EXT1: variants seen among roughly 807,000 people sequenced by gnomAD.
EXT1 encodes exostosin-1.
A neutral mutation model predicts 82.5 loss-of-function variants in EXT1; 20 were observed. The ratio of observed to expected loss-of-function variants is 0.24; its 90% CI spans 0.17 to 0.35. The LOEUF is 0.35. Ranked by LOEUF, EXT1 falls within the 10% of genes least tolerant of loss-of-function variation. The pLI, the probability that EXT1 is intolerant of heterozygous loss-of-function variation, is 1.00. For synonymous variants in EXT1, 348 were observed against 350.8 expected (o/e 0.99, Z 0.09); for missense variants, 757 against 936.5 (o/e 0.81, Z 2.50).
chr8:117,911,928 C>G (rs1361308493), intron 1 of EXT1, among the ~76,000 whole-genome samples: 2 of 152,148 alleles, frequency 1.3e-5, no homozygotes, highest in Admixed American at 6.5e-5. Flanking sequence ...TATGAATCTT[C>G]TTTCTCACGG....
At chr8:118,034,332 T>C (rs1301674624) in intron 1 of EXT1, among the ~76,000 whole-genome samples, 1 of 152,196 alleles carries the variant, frequency 6.6e-6, no homozygotes, top group African/African-American at 2.4e-5. Flanking sequence ...CATGTTTCCT[T>C]GGTTACCAAA....
intron 1 of EXT1, among the ~76,000 whole-genome samples, chr8:117,963,231 T>C (rs902040534): frequency 2.6e-5 from 4 of 152,176 alleles, no homozygotes; most frequent in Admixed American, 6.5e-5. Flanking sequence ...GTACATGATG[T>C]CTGCAGGCAG....
intron 8 of EXT1, among the ~76,000 whole-genome samples, chr8:117,811,666 G>A (rs890917648): frequency 6.6e-6 from 1 of 151,446 alleles, no homozygotes; most frequent in Non-Finnish European, 1.5e-5. Flanking sequence ...ACCCAGGCTG[G>A]AGTGCAATGG....
chr8:117,819,891 G>C (rs1405621980), intron 5 of EXT1, 97 bp from the exon 6 acceptor site: 6 of 1,117,798 alleles, frequency 5.4e-6, no homozygotes, highest in African/African-American at 1.5e-5. Flanking sequence ...TGGAGCAAAT[G>C]TTCCCTCCTG....
chr8:118,104,099 G>A (rs1817768938), intron 1 of EXT1, among the ~76,000 whole-genome samples: 1 of 152,212 alleles, frequency 6.6e-6, no homozygotes, highest in Non-Finnish European at 1.5e-5. Flanking sequence ...GTGACACTGA[G>A]CTTGTTACTT....
chr8:117,833,601 C>T (rs1034931208), intron 3 of EXT1, among the ~76,000 whole-genome samples: 7 of 150,184 alleles, frequency 4.7e-5, no homozygotes, highest in Non-Finnish European at 7.4e-5. Flanking sequence ...AGTGACAGAG[C>T]GAGACTCCAT....
At chr8:118,095,119 C>T (rs1293317581) in intron 1 of EXT1, among the ~76,000 whole-genome samples, 2 of 152,150 alleles carry the variant, frequency 1.3e-5, no homozygotes, top group African/African-American at 4.8e-5. Context: ...TCAAACCTCA[C>T]CAACACTCCC....
rs11318164 is a variant in EXT1 at position 118,090,778 on chromosome 8, CAAAAAAAAAAAAAAA to C, written c.962+19292_962+19306del. Among the ~76,000 whole-genome samples, 15 of 27,202 alleles carry C rather than the reference CAAAAAAAAAAAAAAA, an allele frequency of 5.5e-4. No homozygotes were observed. The South Asian group carries it at 0.041, about 75-fold the overall frequency. 17.8% of individuals were successfully genotyped at this position (27,202 alleles called of 152,430 possible). On this transcript the variant is annotated intron_variant, in intron 1 of 10. Coordinates refer to ENST00000378204, the MANE Select transcript of EXT1 (RefSeq NM_000127.3). ...TGGGTGAGACAGTGAGATTCTGTCTCAAAAAAAAAAAAAAAAAAAAAAAAAAAAAAAGCATGTGCC... is the reference window on the plus strand; with the variant it reads ...TGGGTGAGACAGTGAGATTCTGTCTCAAAAAAAAAAAAAAAAGCATGTGCC...
chr8:117,853,273 G>A (rs1812486169), intron 1 of EXT1, among the ~76,000 whole-genome samples: 1 of 152,182 alleles, frequency 6.6e-6, no homozygotes, highest in African/African-American at 2.4e-5. Flanking sequence ...GGCCGGGCAT[G>A]GTGTCTCACG....
At chr8:117,807,872 A>G (rs1055387122) in intron 8 of EXT1, among the ~76,000 whole-genome samples, 3 of 152,314 alleles carry the variant, frequency 2.0e-5, no homozygotes, top group Middle Eastern at 6.8e-3. Flanking sequence ...ACTTTAAAAA[A>G]AAAACACCAC....
At chr8:118,108,493 C>G (rs184728612) in intron 1 of EXT1, among the ~76,000 whole-genome samples, 2 of 152,208 alleles carry the variant, frequency 1.3e-5, no homozygotes, top group Non-Finnish European at 2.9e-5. Flanking sequence ...CAGTTCATTA[C>G]TAACCATAGT....
At chr8:118,001,012 T>C (rs1242248084) in intron 1 of EXT1, among the ~76,000 whole-genome samples, 1 of 152,196 alleles carries the variant, frequency 6.6e-6, no homozygotes, top group Non-Finnish European at 1.5e-5. Flanking sequence ...ATAATAAAAA[T>C]GCACTTCATT....
chr8:117,842,372 T>C (rs542539993), intron 1 of EXT1, among the ~76,000 whole-genome samples: 5 of 152,354 alleles, frequency 3.3e-5, no homozygotes, highest in East Asian at 3.9e-4. Flanking sequence ...ATTATCATTA[T>C]GACTGAAGGA....
chr8:117,886,810 T>TTTTTA (rs1563591283), intron 1 of EXT1, among the ~76,000 whole-genome samples: 3 of 152,156 alleles, frequency 2.0e-5, no homozygotes, highest in Non-Finnish European at 4.4e-5. Context: ...GGTGCTTAAA[T>TTTTTA]GGGCAAAATT....
chr8:117,796,300 A>ATTAC lies in EXT1; in HGVS notation c.*3411_*3412insGTAA. 1 of 151,924 alleles carries ATTAC rather than the reference A, an allele frequency of 6.6e-6. No individual in the cohort carries two copies. Among genetic ancestry groups the ATTAC allele is most frequent in the East Asian group, 1.9e-4 (1 of 5,162 alleles). 9.4% of individuals were successfully genotyped at this position (151,924 alleles called of 1,614,324 possible). A position where few individuals can be genotyped will look rare whatever the true frequency, so the allele number is the denominator to read the frequency against. ...ATCTCATTCAGATTCCAACCTAGTA[A>ATTAC]GGCTGTCTTCCCCCTGATCCTGCCC... On this transcript the variant is annotated 3_prime_UTR_variant, in exon 11 of 11. Transcript: ENST00000378204.
At chr8:118,022,055 T>C (rs1275263943) in intron 1 of EXT1, among the ~76,000 whole-genome samples, 3 of 152,160 alleles carry the variant, frequency 2.0e-5, no homozygotes, top group Non-Finnish European at 4.4e-5. Flanking sequence ...TTTTGGTCAA[T>C]GCGTAGAGAG....
intron 1 of EXT1, 134 bp downstream of exon 1, chr8:118,109,951 C>G: frequency 1.4e-6 from 2 of 1,426,330 alleles, no homozygotes; most frequent in Non-Finnish European, 1.9e-6. Flanking sequence ...ACCGGATTTG[C>G]TCAGTTCCAG....
chr8:117,889,819 A>G (rs1813211443), intron 1 of EXT1, among the ~76,000 whole-genome samples: 1 of 152,230 alleles, frequency 6.6e-6, no homozygotes, highest in Non-Finnish European at 1.5e-5. Context: ...ATCTAACTAC[A>G]TAGGAAAATT....
intron 4 of EXT1, among the ~76,000 whole-genome samples, chr8:117,828,052 CAT>C (rs1465939777): frequency 6.6e-6 from 1 of 151,824 alleles, no homozygotes; most frequent in Non-Finnish European, 1.5e-5. Context: ...AATGTAATAA[CAT>C]GAGAAAATAT....
Sources: gnomAD v4.1 joint callset for allele counts (sites outside exome capture counted in the v4.1 genomes callset) on GRCh38, gnomAD v4.1.1 for gene constraint, MANE v1.5 for transcripts, NCBI Gene and HGNC (gene_info 2026-07-23, HGNC 2026-07-21) for gene names.